Variants in CES4A observed in about 807,000 individuals in gnomAD.
CES4A encodes the protein carboxylesterase 4A.
In CES4A, 48 loss-of-function variants were observed where a neutral mutation model predicts 65.4. The observed-to-expected ratio is 0.73, with a 90% confidence interval of 0.58 to 0.93. The LOEUF (loss-of-function observed/expected upper bound fraction) is 0.93, where lower values mean the gene tolerates loss of function less well. Ranked by LOEUF, CES4A falls within the 40% of genes least tolerant of loss-of-function variation. The pLI is 0.00. For synonymous variants in CES4A, 247 were observed against 281.8 expected, an observed-to-expected ratio of 0.88 and a Z score of 1.24; for missense variants, 685 against 728.5, an observed-to-expected ratio of 0.94 and a Z score of 0.69.
At chr16:66,993,412 G>A (rs922218015) in intron 1 of CES4A, among the ~76,000 whole-genome samples, 1 of 151,914 alleles carries the variant, frequency 6.6e-6, no homozygotes, top group Non-Finnish European at 1.5e-5. Context: ...GCAAAATCTC[G>A]GCTCACTGCA....
chr16:67,000,746 G>A lies in CES4A; in HGVS notation c.369G>A (p.Ala123=), dbSNP rs1965235273. The A allele has an allele frequency of 1.3e-6, 2 of 1,549,300 alleles. No homozygotes were observed. The highest frequency in any genetic ancestry group is 1.7e-6 in the Non-Finnish European group (2 of 1,146,214). Reference sequence around the variant, plus strand: ...ACTGTCTGTACCTGAACGTGTACGCGCCGGCGCGCGCGCCCGGGGATCCCC... The same window carrying A: ...ACTGTCTGTACCTGAACGTGTACGCACCGGCGCGCGCGCCCGGGGATCCCC... Residue 123 remains alanine, a synonymous_variant, in exon 3 of 14, where the codon GCG becomes GCA. Transcript: ENST00000648724. The surrounding 1 kb of genome is among the most constrained non-coding windows in gnomAD (Gnocchi z 4.2).
chr16:66,991,358 C>T (rs1034544080), intron 1 of CES4A, among the ~76,000 whole-genome samples: 3 of 152,198 alleles, frequency 2.0e-5, no homozygotes, highest in Non-Finnish European at 2.9e-5. Context: ...GTATACATTT[C>T]GCCAAATTAT....
chr16:66,997,862 C>A (rs1185447865), intron 2 of CES4A, among the ~76,000 whole-genome samples: 1 of 151,148 alleles, frequency 6.6e-6, no homozygotes, highest in Non-Finnish European at 1.5e-5. Flanking sequence ...ACTTGGGAGG[C>A]TGAAGTAAGA....
exon 14 of CES4A, chr16:67,009,292 G>A (rs1966009592): frequency 2.7e-6 from 2 of 729,974 alleles, no homozygotes; most frequent in South Asian, 1.9e-5. Context: ...GCCAAAGCTA[G>A]AGCTTTTGCC....
intron 10 of CES4A, 131 bp from the exon 11 acceptor site, chr16:67,005,109 A>T: frequency 1.1e-6 from 1 of 949,412 alleles, no homozygotes; most frequent in Non-Finnish European, 1.7e-6. Context: ...AAACTTTCCC[A>T]GGAAGCTCCC....
At chr16:67,007,553 A>C (rs1256080506) in intron 13 of CES4A, 1 of 151,964 alleles carries the variant, frequency 6.6e-6, no homozygotes, top group African/African-American at 2.4e-5. Flanking sequence ...GGCATGAGTC[A>C]CTGCGCCTGG....
intron 5 of CES4A, among the ~76,000 whole-genome samples, chr16:67,002,525 C>G (rs1482727492): frequency 1.3e-5 from 2 of 152,016 alleles, no homozygotes; most frequent in Non-Finnish European, 2.9e-5. Context: ...ATGGGCAGGA[C>G]TAGGGCAGCT....
At chr16:67,005,485 C>T in intron 11 of CES4A, 92 bp downstream of exon 11, 1 of 1,203,444 alleles carries the variant, frequency 8.3e-7, no homozygotes, top group Non-Finnish European at 1.2e-6. Flanking sequence ...CTCCCCTACC[C>T]TCTCTGTACT....
At chr16:67,004,022 G>A (rs1965552264) in intron 8 of CES4A, 62 bp from the exon 9 acceptor site, 1 of 1,588,248 alleles carries the variant, frequency 6.3e-7, no homozygotes, top group Non-Finnish European at 8.6e-7. Flanking sequence ...GGGCACCCAA[G>A]GTTGCAGGGA....
chr16:67,000,504 C>T lies in CES4A; in HGVS notation c.261-134C>T. The stretch of plus-strand genomic sequence containing the variant: ...CTGGCGGAGGCCTCCTGTACACGCA[C>T]ACGCACGCACATGCGCACGCACACG... On this transcript the variant is annotated intron_variant, in intron 2 of 13. Coordinates refer to ENST00000648724, the Ensembl canonical transcript of CES4A. The surrounding 1 kb of genome is among the most constrained non-coding windows in gnomAD (Gnocchi z 4.2). 9.0e-6 allele frequency: 13 copies of T among 1,440,642 alleles called. No individual in the cohort carries two copies. Among genetic ancestry groups the T allele is most frequent in the Non-Finnish European group, 1.1e-5 (12 of 1,097,024 alleles). 89.2% of individuals were successfully genotyped at this position (1,440,642 alleles called of 1,614,324 possible).
At position 67,003,466 on chromosome 16, in the gene CES4A, C is replaced by A; in HGVS notation, c.901-49C>A. 6.3e-7 allele frequency: 1 copy of A among 1,596,852 alleles called. No individual in the cohort carries two copies. ...TTCCCCAGGGACCCTGTCTCAAGAG[C>A]ACACGAGGGAGACTTCCTTTAACTC... is the stretch of plus-strand genomic sequence containing the variant. On this transcript the variant is annotated intron_variant, in intron 7 of 13. Transcript: ENST00000648724. This position sits in a 1 kb window ranked among gnomAD's most constrained non-coding sequence, Gnocchi z 4.2.
intron 9 of CES4A, among the ~76,000 whole-genome samples, 160 bp downstream of exon 9, chr16:67,004,384 A>G (rs1207860523): frequency 6.6e-6 from 1 of 152,124 alleles, no homozygotes; most frequent in Non-Finnish European, 1.5e-5. Context: ...GTCCCTGTAC[A>G]GTGAAAACTG....
At chr16:66,989,541 T>C (rs1425664694) in intron 1 of CES4A, among the ~76,000 whole-genome samples, 1 of 151,834 alleles carries the variant, frequency 6.6e-6, no homozygotes, top group African/African-American at 2.4e-5. Context: ...AAATAGACTC[T>C]GTCTCTATTT....
At chr16:67,010,331 G>T (rs938107964), downstream of CES4A, among the ~76,000 whole-genome samples, 2 of 151,804 alleles carry the variant, frequency 1.3e-5, no homozygotes, top group African/African-American at 4.8e-5. Flanking sequence ...CTGCTGAAGT[G>T]CTGGAATTAC....
chr16:66,989,812 G>A (rs1232747943), intron 1 of CES4A, among the ~76,000 whole-genome samples: 7 of 151,458 alleles, frequency 4.6e-5, no homozygotes, highest in Admixed American at 3.9e-4. Flanking sequence ...CCGAGATCGT[G>A]CCATTGCACT....
chr16:67,004,651 T>A, intron 9 of CES4A, 142 bp from the exon 10 acceptor site: 1 of 678,520 alleles, frequency 1.5e-6, no homozygotes, highest in Non-Finnish European at 2.6e-6. Context: ...CAAGAGAGAG[T>A]CATGGGCCCT....
At chr16:67,009,187 A>T in exon 14 of CES4A, 1 of 1,569,588 alleles carries the variant, frequency 6.4e-7, no homozygotes, top group Non-Finnish European at 8.7e-7. Context: ...TGCCCCCACC[A>T]TCCAGGCCCT....
chr16:67,005,344 A>AGATGCCACTTTCGTG, exon 11 of CES4A: 1 of 1,614,190 alleles, frequency 6.2e-7, no homozygotes, highest in Non-Finnish European at 8.5e-7. Context: ...ACATAGTTCA[A>AGATGCCACTTTCGTG]GATGCCACTT....
chr16:67,001,074 CG>C lies in CES4A; in HGVS notation c.536+88del. ...GGGAAGGGAGGGGCGGGGCCTGGGG[CG>C]GGGATGGGGGGGGTGGGGCCGCGAG... On this transcript the variant is annotated intron_variant, in intron 4 of 13. Transcript: ENST00000648724. This position sits in a 1 kb window ranked among gnomAD's most constrained non-coding sequence, Gnocchi z 4.1. The C allele has an allele frequency of 9.2e-6, 1 of 108,620 alleles. No homozygotes were observed. The highest frequency in any genetic ancestry group is 1.6e-5 in the Non-Finnish European group (1 of 62,072). The allele number at this position is 108,620 out of a possible 1,614,324, so 6.7% of individuals were successfully genotyped here.
Sources: gnomAD v4.1 joint callset for allele counts (sites outside exome capture counted in the v4.1 genomes callset) on GRCh38, gnomAD v4.1.1 for gene constraint, Gnocchi (gnomAD v3.1) non-coding constraint, MANE v1.5 for transcripts, NCBI Gene and HGNC (gene_info 2026-07-23, HGNC 2026-07-21) for gene names.